Variants in MSRA observed in about 807,000 individuals in gnomAD.
MSRA encodes the protein mitochondrial peptide methionine sulfoxide reductase.
Under a neutral mutation model 31.3 loss-of-function variants are expected in MSRA, and 54 were observed. The observed-to-expected ratio is 1.73, with a 90% CI of 1.39 to 2.17. MSRA has a LOEUF of 2.17. Ranked by LOEUF, MSRA falls within the 30% of genes most tolerant of loss-of-function variation. The probability of loss-of-function intolerance (pLI) is 0.00; values close to 1 mark genes in which losing one functional copy is unlikely to be tolerated. For synonymous variants in MSRA, 169 were observed against 116.5 expected, an observed-to-expected ratio of 1.45 and a Z score of -2.90; for missense variants, 507 against 300.9, an observed-to-expected ratio of 1.69 and a Z score of -5.07.
chr8:10,087,815 A>C (rs1180945359), intron 1 of MSRA, among the ~76,000 whole-genome samples: 1 of 152,214 alleles, frequency 6.6e-6, no homozygotes, highest in Non-Finnish European at 1.5e-5. Flanking sequence ...TTTCTAAGAG[A>C]GACATTTTAA....
chr8:10,346,395 C>T (rs528521229), intron 5 of MSRA, among the ~76,000 whole-genome samples: 2 of 152,294 alleles, frequency 1.3e-5, no homozygotes, highest in South Asian at 2.1e-4. Flanking sequence ...TAAGTGTAAA[C>T]ACCCTCCCCC....
chr8:10,263,851 G>GAAATC (rs1180214464), intron 3 of MSRA, among the ~76,000 whole-genome samples: 1 of 152,180 alleles, frequency 6.6e-6, no homozygotes, highest in Non-Finnish European at 1.5e-5. Context: ...GATGCTTTTA[G>GAAATC]AAATCAAATA....
chr8:10,281,107 T>C (rs1799599617), intron 3 of MSRA, among the ~76,000 whole-genome samples: 1 of 152,216 alleles, frequency 6.6e-6, no homozygotes, highest in Admixed American at 6.5e-5. Context: ...ACTGTGAATA[T>C]ACTAAAAACC....
intron 1 of MSRA, among the ~76,000 whole-genome samples, chr8:10,064,974 G>GT (rs1797387964): frequency 6.6e-6 from 1 of 152,092 alleles, no homozygotes; most frequent in African/African-American, 2.4e-5. Context: ...TGAAAACCGC[G>GT]TAAGAGTTTG....
At chr8:10,102,120 T>A (rs1799569400) in intron 1 of MSRA, among the ~76,000 whole-genome samples, 1 of 152,200 alleles carries the variant, frequency 6.6e-6, no homozygotes, top group African/African-American at 2.4e-5. Flanking sequence ...GTGGATTTCT[T>A]TGGGTGTATC....
chr8:10,428,076 C>A, intron 5 of MSRA, 72 bp from the exon 6 acceptor site: 5 of 1,526,890 alleles, frequency 3.3e-6, no homozygotes, highest in Non-Finnish European at 4.4e-6. Context: ...AGCCCTGGCC[C>A]CTCAGTGCCA....
At chr8:10,130,107 A>G (rs1349853624) in intron 1 of MSRA, among the ~76,000 whole-genome samples, 1 of 152,160 alleles carries the variant, frequency 6.6e-6, no homozygotes, top group Non-Finnish European at 1.5e-5. Flanking sequence ...TGGGAGTGCT[A>G]TTGGATGTAT....
chr8:10,290,359 G>C (rs1483175169), intron 3 of MSRA, among the ~76,000 whole-genome samples: 2 of 152,122 alleles, frequency 1.3e-5, no homozygotes, highest in Non-Finnish European at 2.9e-5. Flanking sequence ...TGGTCATCTG[G>C]AGGTTGGAGT....
intron 2 of MSRA, among the ~76,000 whole-genome samples, chr8:10,240,549 C>T (rs998191028): frequency 1.3e-5 from 2 of 152,170 alleles, no homozygotes; most frequent in African/African-American, 2.4e-5. Context: ...TGCATACTCA[C>T]TCCCACATGT....
At chr8:10,134,140 A>G (rs545475982) in intron 1 of MSRA, among the ~76,000 whole-genome samples, 1 of 152,242 alleles carries the variant, frequency 6.6e-6, no homozygotes, top group South Asian at 2.1e-4. Flanking sequence ...CCTGGATCCT[A>G]TCTTAAAGGA....
intron 5 of MSRA, among the ~76,000 whole-genome samples, chr8:10,409,311 C>T (rs759358524): frequency 2.6e-5 from 4 of 152,142 alleles, no homozygotes; most frequent in African/African-American, 4.8e-5. Flanking sequence ...TGCATTTCTC[C>T]GATGACTAGT....
intron 4 of MSRA, among the ~76,000 whole-genome samples, chr8:10,302,435 C>G (rs1800897991): frequency 6.6e-6 from 1 of 152,220 alleles, no homozygotes; most frequent in South Asian, 2.1e-4. Flanking sequence ...GGCAGTCAGT[C>G]TATTTCACCA....
intron 5 of MSRA, among the ~76,000 whole-genome samples, chr8:10,403,144 T>C (rs1299848878): frequency 6.6e-6 from 1 of 152,190 alleles, no homozygotes; most frequent in Non-Finnish European, 1.5e-5. Flanking sequence ...CAGATTAAAA[T>C]GTCCCAGGGC....
chr8:10,219,805 C>CA (rs202000887), intron 2 of MSRA, among the ~76,000 whole-genome samples: 758 of 46,022 alleles, frequency 0.016, 57 homozygotes, highest in African/African-American at 0.12. Context: ...GACTCTGTCT[C>CA]CAAAAAAAAA....
intron 4 of MSRA, among the ~76,000 whole-genome samples, chr8:10,303,772 C>T (rs142900658): frequency 2.0e-5 from 3 of 152,266 alleles, no homozygotes; most frequent in Admixed American, 6.5e-5. Flanking sequence ...AGAGATCCTC[C>T]GTCAGGAACC....
intron 1 of MSRA, among the ~76,000 whole-genome samples, chr8:10,189,280 A>G (rs529740533): frequency 1.7e-4 from 26 of 152,260 alleles, no homozygotes; most frequent in Non-Finnish European, 2.9e-4. Flanking sequence ...TACTTACACA[A>G]TCATGTTGTC....
At chr8:10,292,179 A>G (rs1554518085) in intron 3 of MSRA, among the ~76,000 whole-genome samples, 1 of 152,210 alleles carries the variant, frequency 6.6e-6, no homozygotes. Context: ...GTTGGAGTCC[A>G]GTGTGCATGT....
intron 1 of MSRA, among the ~76,000 whole-genome samples, chr8:10,081,421 C>G (rs1466895161): frequency 1.3e-5 from 2 of 152,180 alleles, no homozygotes; most frequent in Non-Finnish European, 2.9e-5. Context: ...AGTTTGTGTT[C>G]TCATGATTAC....
At chr8:10,163,168 C>T (rs2129042987) in intron 1 of MSRA, among the ~76,000 whole-genome samples, 1 of 152,256 alleles carries the variant, frequency 6.6e-6, no homozygotes, top group South Asian at 2.1e-4. Flanking sequence ...CATGCTGGCA[C>T]CTTGATCTTG....
Sources: allele counts gnomAD v4.1 joint callset (sites outside exome capture counted in the v4.1 genomes callset), GRCh38; gene constraint gnomAD v4.1.1; transcripts MANE v1.5; gene names NCBI Gene and HGNC (gene_info 2026-07-23, HGNC 2026-07-21).